The following GCSAML variants were observed in gnomAD, a reference collection of about 807,000 sequenced individuals.
The protein encoded by GCSAML is germinal center associated signaling and motility like, also known as germinal center-associated signaling and motility-like protein.
A neutral mutation model predicts 13.0 loss-of-function variants in GCSAML; 9 were observed. The ratio of observed to expected loss-of-function variants is 0.69; its 90% CI spans 0.42 to 1.21. The LOEUF (loss-of-function observed/expected upper bound fraction) is 1.21, where lower values mean the gene tolerates loss of function less well. Ranked by LOEUF, GCSAML falls within the 50% of genes most tolerant of loss-of-function variation. GCSAML has a pLI of 0.00. For missense variants in GCSAML, 143 were observed against 153.4 expected (o/e 0.93, Z 0.36); for synonymous variants, 37 against 52.9 (o/e 0.70, Z 1.31).
Position 247,562,596 on chromosome 1 carries a change from A to C in GCSAML, c.90-994A>C, listed in dbSNP as rs1369102767. On this transcript the variant is annotated intron_variant, in intron 2 of 4. Transcript: ENST00000366488. The stretch of plus-strand genomic sequence containing the variant: ...TCACAAAATGTTTTTCCCTCAGCCC[A>C]GGCACATCTCTCTACTGTGTACCTA... Among the ~76,000 whole-genome samples the C allele has an allele frequency of 5.3e-5, 8 of 152,290 alleles. No individual in the cohort carries two copies. In the East Asian group the frequency reaches 1.5e-3, roughly 29 times the overall value.
At position 247,526,928 on chromosome 1, in the gene GCSAML, ACTTT is replaced by A. The variant is rs1441833943; in HGVS notation, c.-262-6_-262-3del. 6.6e-6 allele frequency: 3 copies of A among 455,898 alleles called. No individual in the cohort carries two copies. The highest frequency in any genetic ancestry group is 2.0e-5 in the African/African-American group (1 of 50,136). The allele number at this position is 455,898 out of a possible 1,614,324, so 28.2% of individuals were successfully genotyped here. ...CCTCTATTTAGAAAGGTCTTCTTTC[ACTTT>A]CTTTCAGGATTTACTGCCTCAAGAT... is the stretch of plus-strand genomic sequence containing the variant. On this transcript the variant is annotated splice_polypyrimidine_tract_variant and splice_region_variant and intron_variant, in intron 1 of 5. Coordinates refer to the GCSAML transcript ENST00000366489. The surrounding 1 kb of genome is among the most constrained non-coding windows in gnomAD (Gnocchi z 4.8).
intron 2 of GCSAML, among the ~76,000 whole-genome samples, chr1:247,562,910 G>C (rs1239420473): frequency 2.0e-5 from 3 of 151,644 alleles, no homozygotes; most frequent in African/African-American, 7.3e-5. Flanking sequence ...AATGATCTCT[G>C]CTCGCTGCAA....
rs549065948 is a variant in GCSAML at position 247,571,990 on chromosome 1, A to G, written c.169-2153A>G. 7.9e-5 allele frequency among the ~76,000 whole-genome samples: 12 copies of G among 152,126 alleles called. 1 individual carries two copies. In the South Asian group the frequency reaches 2.5e-3, roughly 32 times the overall value. ...TGACATCCTTTCTTCTGCCCGATCA[A>G]TTTGGCTATTGATACTTGTGTATGC... On this transcript the variant is annotated intron_variant, in intron 4 of 4. Transcript: ENST00000366488.
chr1:247,511,099 T>C (rs188366687), intron 1 of GCSAML, among the ~76,000 whole-genome samples: 268 of 152,240 alleles, frequency 1.8e-3, no homozygotes, highest in African/African-American at 6.3e-3. Context: ...GGTGTTAAAG[T>C]CTCCCCAGTT....
intron 1 of GCSAML, among the ~76,000 whole-genome samples, chr1:247,551,594 T>C (rs1425288919): frequency 6.6e-6 from 1 of 152,128 alleles, no homozygotes; most frequent in Non-Finnish European, 1.5e-5. Flanking sequence ...CCAAAGAAGA[T>C]GCAGGGGCAA....
chr1:247,531,657 C>T (rs781088292), intron 2 of GCSAML: 3 of 1,614,154 alleles, frequency 1.9e-6, no homozygotes, highest in East Asian at 2.2e-5. Flanking sequence ...GTGGGTTCAG[C>T]GCAGGAGTGA....
At chr1:247,531,763 GAC>G (rs756092890) in intron 2 of GCSAML, 6 of 1,614,052 alleles carry the variant, frequency 3.7e-6, no homozygotes, top group Admixed American at 1.7e-5. Flanking sequence ...GTAAAACAGA[GAC>G]ACCACAGCCA....
intron 2 of GCSAML, among the ~76,000 whole-genome samples, chr1:247,532,842 G>C (rs958595482): frequency 7.0e-6 from 1 of 143,176 alleles, no homozygotes; most frequent in African/African-American, 2.7e-5. Context: ...CCTTCCTCAC[G>C]GCCAACTTGG....
upstream of GCSAML, chr1:247,548,931 C>T: frequency 1.5e-6 from 1 of 684,642 alleles, no homozygotes; most frequent in Non-Finnish European, 2.3e-6. This position sits in a 1 kb window ranked among gnomAD's most constrained non-coding sequence, Gnocchi z 5.3. Flanking sequence ...CCACTGTATG[C>T]CCACGCGTGT....
At chr1:247,554,461 A>G (rs1200936811) in intron 1 of GCSAML, among the ~76,000 whole-genome samples, 2 of 151,992 alleles carry the variant, frequency 1.3e-5, no homozygotes, top group Admixed American at 1.3e-4. Context: ...ATTTTTACCC[A>G]CAACTTTCTT....
intron 1 of GCSAML, among the ~76,000 whole-genome samples, chr1:247,552,051 A>G (rs962007260): frequency 1.3e-5 from 2 of 152,168 alleles, no homozygotes; most frequent in Non-Finnish European, 2.9e-5. Context: ...TACTAATTTT[A>G]TGGCTGGCTT....
upstream of GCSAML, among the ~76,000 whole-genome samples, chr1:247,546,796 A>G (rs1409658188): frequency 9.2e-5 from 14 of 152,046 alleles, no homozygotes; most frequent in East Asian, 2.7e-3. Flanking sequence ...TGTGCACCAG[A>G]ATTCACAAGG....
At chr1:247,548,241 C>T (rs1370994070), upstream of GCSAML, among the ~76,000 whole-genome samples, 1 of 152,206 alleles carries the variant, frequency 6.6e-6, no homozygotes, top group East Asian at 1.9e-4. This position sits in a 1 kb window ranked among gnomAD's most constrained non-coding sequence, Gnocchi z 5.3. Flanking sequence ...TCCTGACAGC[C>T]ACGGCTCAGA....
At chr1:247,531,376 T>C in intron 2 of GCSAML, 1 of 645,168 alleles carries the variant, frequency 1.5e-6, no homozygotes, top group Non-Finnish European at 2.6e-6. Flanking sequence ...AATTAGCAAA[T>C]AATAAATGTA....
At chr1:247,532,878 G>GT (rs1667056175) in intron 2 of GCSAML, among the ~76,000 whole-genome samples, 1 of 151,976 alleles carries the variant, frequency 6.6e-6, no homozygotes, top group Admixed American at 6.6e-5. Flanking sequence ...ACTGGGTGGG[G>GT]GGTGTTCACT....
In GCSAML at chr1:247,515,217, GCAGC is replaced by G. The variant is rs1314166425; in HGVS notation, c.-263+7988_-263+7991del. Among the ~76,000 whole-genome samples, 3 of 152,298 alleles carry G rather than the reference GCAGC, an allele frequency of 2.0e-5. No individual in the cohort carries two copies. In the East Asian group the frequency reaches 5.8e-4, roughly 29 times the overall value. ...GAAAGCTAAGGAGCCATTAGACAAG[GCAGC>G]CAGATAATGAGTTAAGTAATGACAG... is the stretch of plus-strand genomic sequence containing the variant. On this transcript the variant is annotated intron_variant, in intron 1 of 5. Transcript: ENST00000366489.
At chr1:247,512,407 TCTAAC>T (rs1666075293) in intron 1 of GCSAML, among the ~76,000 whole-genome samples, 1 of 152,026 alleles carries the variant, frequency 6.6e-6, no homozygotes. Context: ...TAGCAATTCC[TCTAAC>T]CTTTTTTCAA....
intron 1 of GCSAML, among the ~76,000 whole-genome samples, chr1:247,508,977 C>A (rs372532871): frequency 6.6e-6 from 1 of 152,072 alleles, no homozygotes; most frequent in Non-Finnish European, 1.5e-5. Flanking sequence ...AACATCTTGG[C>A]GATTTGGGCT....
intron 2 of GCSAML, among the ~76,000 whole-genome samples, chr1:247,537,175 G>A (rs1328889680): frequency 6.6e-6 from 1 of 152,098 alleles, no homozygotes; most frequent in Non-Finnish European, 1.5e-5. Context: ...CTTTCTCTAT[G>A]TATGGATTTG....
Sources: gnomAD v4.1 joint callset for allele counts (sites outside exome capture counted in the v4.1 genomes callset) on GRCh38, gnomAD v4.1.1 for gene constraint, Gnocchi (gnomAD v3.1) non-coding constraint, MANE v1.5 for transcripts, NCBI Gene and HGNC (gene_info 2026-07-23, HGNC 2026-07-21) for gene names.